The following SRGAP2B variants were observed in gnomAD, a reference collection of about 807,000 sequenced individuals.
SRGAP2B encodes SLIT-ROBO Rho GTPase-activating protein 2B.
A neutral mutation model predicts 22.2 loss-of-function variants in SRGAP2B; 9 were observed. The observed-to-expected ratio is 0.41, with a 90% CI of 0.24 to 0.71. SRGAP2B has a LOEUF of 0.71. SRGAP2B is among the 30% of genes least tolerant of loss of function. The pLI, the probability that SRGAP2B is intolerant of heterozygous loss-of-function variation, is 0.35. For missense variants in SRGAP2B, 114 were observed against 235.8 expected, an observed-to-expected ratio of 0.48 and a Z score of 3.38; for synonymous variants, 36 against 87.4, an observed-to-expected ratio of 0.41 and a Z score of 3.28.
rs587753021 is a variant in SRGAP2B, at chr1:144,943,955, T to A, written c.423+11484A>T. ...AATTTGGCATTCAAAGCCTGCCAAG[T>A]TAGAGGGGCTTGATAAACATCTTGG... On this transcript the variant is annotated intron_variant, in intron 4 of 9. Transcript: ENST00000612199. 5.1e-4 allele frequency among the ~76,000 whole-genome samples: 77 copies of A among 150,520 alleles called. 3 individuals are homozygous for A. In the South Asian group the frequency reaches 6.1e-3, roughly 12 times the overall value.
intron 1 of SRGAP2B, among the ~76,000 whole-genome samples, chr1:145,094,005 C>G (rs1161298229): frequency 1.4e-5 from 2 of 147,330 alleles, no homozygotes; most frequent in African/African-American, 5.2e-5. Context: ...CGGGACACAT[C>G]CAGGAAAACA....
chr1:145,044,670 A>ACAAC (rs1649555031), intron 2 of SRGAP2B, among the ~76,000 whole-genome samples: 1 of 92,206 alleles, frequency 1.1e-5, no homozygotes, highest in African/African-American at 4.0e-5. Context: ...AAAAAAAAAA[A>ACAAC]AAAAAAAAAA....
intron 2 of SRGAP2B, among the ~76,000 whole-genome samples, chr1:145,061,628 C>T (rs1650921949): frequency 6.7e-6 from 1 of 150,152 alleles, no homozygotes; most frequent in Admixed American, 6.6e-5. Flanking sequence ...CACTCTGTCG[C>T]CCAGACTGGA....
At position 144,957,953 on chromosome 1, in the gene SRGAP2B, T is replaced by C. The variant is rs587732008; in HGVS notation, c.261-2352A>G. On this transcript the variant is annotated intron_variant, in intron 3 of 9. Transcript: ENST00000612199. ...AAGATGGATTGGGGGGGATCTATAC[T>C]GGTTCTTTCCCTATAGCACTTTACA... Among the ~76,000 whole-genome samples the C allele has an allele frequency of 6.7e-5, 10 of 150,048 alleles. No individual in the cohort carries two copies. In the East Asian group the frequency reaches 1.7e-3, roughly 26 times the overall value.
Position 145,015,087 on chromosome 1 carries a change from T to A in SRGAP2B, c.68-19887A>T, listed in dbSNP as rs1428260234. 2.1e-5 allele frequency among the ~76,000 whole-genome samples: 3 copies of A among 145,672 alleles called. No individual in the cohort carries two copies. In the East Asian group the frequency reaches 6.2e-4, roughly 30 times the overall value. On this transcript the variant is annotated intron_variant, in intron 2 of 9. Transcript: ENST00000612199. Reference sequence around the variant, plus strand: ...ATTACTCTGAAAGAAGTTCATTTTTTTTTTTTTGAGACAGAGTCTCACTTG... The same window carrying A: ...ATTACTCTGAAAGAAGTTCATTTTTATTTTTTTGAGACAGAGTCTCACTTG...
At chr1:145,067,284 G>A (rs1480450090) in intron 2 of SRGAP2B, among the ~76,000 whole-genome samples, 1 of 141,454 alleles carries the variant, frequency 7.1e-6, no homozygotes, top group Non-Finnish European at 1.5e-5. Flanking sequence ...ACAAGACTCT[G>A]TCTAAAAAAA....
intron 4 of SRGAP2B, among the ~76,000 whole-genome samples, chr1:144,948,941 T>G (rs1285852807): frequency 8.3e-6 from 1 of 120,570 alleles, no homozygotes; most frequent in Admixed American, 8.1e-5. Flanking sequence ...GAGGGAGGCA[T>G]TACTCAGCCT....
intron 3 of SRGAP2B, among the ~76,000 whole-genome samples, chr1:144,993,364 A>G (rs1268091360): frequency 2.0e-5 from 3 of 150,922 alleles, no homozygotes; most frequent in African/African-American, 5.0e-5. Context: ...CATTTCTAAC[A>G]GTACAGATGA....
intron 4 of SRGAP2B, among the ~76,000 whole-genome samples, chr1:144,925,727 A>AAAAGAAAG (rs202130146): frequency 0.085 from 8,806 of 103,886 alleles, 184 homozygotes; most frequent in East Asian, 0.089. Context: ...AGAGAGAAAG[A>AAAAGAAAG]AAAGAAAGAA....
intron 3 of SRGAP2B, among the ~76,000 whole-genome samples, chr1:144,973,319 C>T (rs587689217): frequency 4.8e-5 from 7 of 144,420 alleles, no homozygotes; most frequent in African/African-American, 8.4e-5. Flanking sequence ...GAGATAATTA[C>T]GTATTCCAGA....
Position 144,920,766 on chromosome 1 carries a change from T to C in SRGAP2B, c.424-6012A>G, listed in dbSNP as rs1245670843. The stretch of plus-strand genomic sequence containing the variant: ...TTTACAACTCATTAATGAGTCATTA[T>C]ACACAGGTTTAAGAAGACTGGTTAC... On this transcript the variant is annotated intron_variant, in intron 4 of 9. Transcript: ENST00000612199. Among the ~76,000 whole-genome samples the C allele has an allele frequency of 4.0e-5, 6 of 150,740 alleles. 1 individual carries two copies. Among genetic ancestry groups the C allele is most frequent in the African/African-American group, 1.5e-4 (6 of 40,268 alleles).
intron 2 of SRGAP2B, among the ~76,000 whole-genome samples, chr1:145,023,153 G>A (rs1342011275): frequency 7.0e-6 from 1 of 141,926 alleles, no homozygotes; most frequent in Non-Finnish European, 1.5e-5. Context: ...GTGACAGAGT[G>A]AGACTCTGTC....
chr1:145,036,377 C>T (rs1648721603), intron 2 of SRGAP2B, among the ~76,000 whole-genome samples: 1 of 144,116 alleles, frequency 6.9e-6, no homozygotes, highest in Admixed American at 6.9e-5. Context: ...CCAATCTCCT[C>T]ATGTAAAAGA....
intron 2 of SRGAP2B, among the ~76,000 whole-genome samples, chr1:144,998,724 G>C (rs1553619016): frequency 6.6e-6 from 1 of 151,054 alleles, no homozygotes; most frequent in Admixed American, 6.6e-5. Flanking sequence ...ATCCATACAG[G>C]CATTAAGGGA....
At chr1:144,950,809 G>C (rs1379944726) in intron 4 of SRGAP2B, among the ~76,000 whole-genome samples, 2 of 150,880 alleles carry the variant, frequency 1.3e-5, no homozygotes, top group Non-Finnish European at 2.9e-5. Flanking sequence ...GGTGACTGGA[G>C]TTAAACGTTA....
rs1300259413 is a variant in SRGAP2B at position 144,970,412 on chromosome 1, C to T, written c.261-14811G>A. On this transcript the variant is annotated intron_variant, in intron 3 of 9. Coordinates refer to ENST00000612199, the Ensembl canonical transcript of SRGAP2B. Reference sequence around the variant, plus strand: ...TATCGCAAGAACAAAAAACCAAACACCGCATATTCTCACTCATAGGTGGGA... The same window carrying T: ...TATCGCAAGAACAAAAAACCAAACATCGCATATTCTCACTCATAGGTGGGA... Among the ~76,000 whole-genome samples, 30 of 120,258 alleles carry T rather than the reference C, an allele frequency of 2.5e-4. 1 individual carries two copies. Among genetic ancestry groups the T allele is most frequent in the African/African-American group, 8.0e-4 (23 of 28,688 alleles). The allele number at this position is 120,258 out of a possible 152,430, so 78.9% of individuals were successfully genotyped here.
intron 4 of SRGAP2B, among the ~76,000 whole-genome samples, chr1:144,945,685 C>A (rs1228284544): frequency 6.8e-6 from 1 of 148,096 alleles, no homozygotes; most frequent in Non-Finnish European, 1.5e-5. Flanking sequence ...CAGCTGATTT[C>A]TCATCAGAAA....
chr1:144,941,457 C>T (rs1666036793), intron 4 of SRGAP2B, among the ~76,000 whole-genome samples: 1 of 144,080 alleles, frequency 6.9e-6, no homozygotes, highest in South Asian at 2.2e-4. Context: ...CTGGGAGAAG[C>T]TGGATGTAGA....
rs1388560318 is a variant in SRGAP2B, at chr1:145,007,097, C to T, written c.68-11897G>A. 2.0e-5 allele frequency among the ~76,000 whole-genome samples: 3 copies of T among 150,312 alleles called. No homozygotes were observed. In the East Asian group the frequency reaches 5.8e-4, roughly 29 times the overall value. The stretch of plus-strand genomic sequence containing the variant: ...AGAATATAAAGTGCTTGCTACATGC[C>T]TGATGCCTAGTAAGCCTCCATTAAA... On this transcript the variant is annotated intron_variant, in intron 2 of 9. Coordinates refer to ENST00000612199, the Ensembl canonical transcript of SRGAP2B.
Sources: gnomAD v4.1 joint callset for allele counts (sites outside exome capture counted in the v4.1 genomes callset) on GRCh38, gnomAD v4.1.1 for gene constraint, MANE v1.5 for transcripts, NCBI Gene and HGNC (gene_info 2026-07-23, HGNC 2026-07-21) for gene names.